ADAM9: variants seen among roughly 807,000 people sequenced by gnomAD.
The protein encoded by ADAM9 is disintegrin and metalloproteinase domain-containing protein 9.
Under a neutral mutation model 108.1 loss-of-function variants are expected in ADAM9, and 54 were observed. The ratio of observed to expected loss-of-function variants is 0.50; its 90% CI spans 0.40 to 0.63. ADAM9 has a LOEUF of 0.63. Among genes scored for constraint, ADAM9 ranks in the 20% least tolerant of loss-of-function variants. The probability of loss-of-function intolerance (pLI) is 0.00; values close to 1 mark genes in which losing one functional copy is unlikely to be tolerated. For missense variants in ADAM9, 830 were observed against 997.7 expected (o/e 0.83, Z 2.26); for synonymous variants, 316 against 336.0 (o/e 0.94, Z 0.65).
chr8:39,043,922 C>T (rs1837532090), intron 12 of ADAM9, among the ~76,000 whole-genome samples: 1 of 152,082 alleles, frequency 6.6e-6, no homozygotes, highest in Non-Finnish European at 1.5e-5. Context: ...GAAAATTAAC[C>T]CATTTTAAAT....
chr8:39,007,837 C>G (rs368438542), intron 1 of ADAM9, 49 bp from the exon 2 acceptor site: 1 of 1,256,860 alleles, frequency 8.0e-7, no homozygotes, highest in Admixed American at 1.7e-5. Context: ...TGTGTTCCCA[C>G]GTAGTTTTTC....
At chr8:39,012,514 CT>C (rs1836387735) in intron 3 of ADAM9, among the ~76,000 whole-genome samples, 1 of 152,186 alleles carries the variant, frequency 6.6e-6, no homozygotes, top group South Asian at 2.1e-4. Context: ...TATTGCGGCA[CT>C]ATTCACAATA....
chr8:39,039,420 CTATAA>C (rs936734163), intron 11 of ADAM9, among the ~76,000 whole-genome samples: 1 of 152,142 alleles, frequency 6.6e-6, no homozygotes, highest in African/African-American at 2.4e-5. Flanking sequence ...CAAAGAGCAC[CTATAA>C]TCTCTTTTAG....
At chr8:39,022,837 C>T (rs1175094897) in intron 8 of ADAM9, among the ~76,000 whole-genome samples, 2 of 152,072 alleles carry the variant, frequency 1.3e-5, no homozygotes, top group Non-Finnish European at 2.9e-5. Context: ...CCTCAGCCTC[C>T]CAAGTAGCTG....
intron 11 of ADAM9, among the ~76,000 whole-genome samples, chr8:39,040,090 C>A (rs940725220): frequency 6.6e-6 from 1 of 152,122 alleles, no homozygotes; most frequent in Non-Finnish European, 1.5e-5. Context: ...CTCTCTGTTG[C>A]CCAAGCTGGA....
At chr8:39,001,034 G>A (rs960076399) in intron 1 of ADAM9, among the ~76,000 whole-genome samples, 1 of 152,010 alleles carries the variant, frequency 6.6e-6, no homozygotes, top group African/African-American at 2.4e-5. Flanking sequence ...TGATTTTAAC[G>A]TCTTCCTTCT....
chr8:39,017,452 C>G, intron 6 of ADAM9, 38 bp downstream of exon 6: 1 of 1,586,344 alleles, frequency 6.3e-7, no homozygotes, highest in Admixed American at 1.7e-5. Context: ...CTCAGACTAC[C>G]ATTTTAGAAA....
intron 11 of ADAM9, among the ~76,000 whole-genome samples, chr8:39,029,815 C>T (rs530518708): frequency 6.6e-6 from 1 of 152,204 alleles, no homozygotes; most frequent in Admixed American, 6.5e-5. Context: ...ATTTATGTTG[C>T]TAGGGATATT....
In ADAM9 at chr8:39,077,405, T is replaced by A; in HGVS notation, c.1875T>A (p.Ala625=). 1 of 1,608,618 alleles carries A rather than the reference T, an allele frequency of 6.2e-7. No individual in the cohort carries two copies. The highest frequency in any genetic ancestry group is 8.5e-7 in the Non-Finnish European group (1 of 1,177,522). ...GMVNEGTKCG[A]GKICRNFQCV... ...TTAACGAAGGCACAAAATGTGGTGC[T>A]GGAAAGGTAATCAAAATATTTTTTA... Residue 625 remains alanine, a synonymous_variant, in exon 16 of 22, where the codon GCT becomes GCA. Transcript: ENST00000487273.
At chr8:39,085,091 T>A (rs1483830033) in intron 18 of ADAM9, among the ~76,000 whole-genome samples, 1 of 152,176 alleles carries the variant, frequency 6.6e-6, no homozygotes, top group Non-Finnish European at 1.5e-5. Flanking sequence ...TAGTAATTAG[T>A]ACATATAGTT....
chr8:39,041,797 G>T, intron 11 of ADAM9, 149 bp from the exon 12 acceptor site: 1 of 678,456 alleles, frequency 1.5e-6, no homozygotes. Flanking sequence ...TTTATCACAA[G>T]TAGATATGAA....
At chr8:39,014,219 C>T (rs1304373565) in intron 4 of ADAM9, 176 bp downstream of exon 4, 2 of 619,450 alleles carry the variant, frequency 3.2e-6, no homozygotes, top group Non-Finnish European at 5.7e-6. Context: ...CTAAGCTGTA[C>T]CTTACAGCTC....
intron 3 of ADAM9, among the ~76,000 whole-genome samples, chr8:39,011,981 A>G (rs560310834): frequency 6.6e-6 from 1 of 152,222 alleles, no homozygotes; most frequent in South Asian, 2.1e-4. Flanking sequence ...TATGTGGGGG[A>G]GTTGGGGAGA....
At chr8:39,074,903 C>CTTTT (rs1178180888) in intron 15 of ADAM9, among the ~76,000 whole-genome samples, 27 of 113,126 alleles carry the variant, frequency 2.4e-4, no homozygotes, top group East Asian at 7.7e-4. Context: ...AGCCCAAAAT[C>CTTTT]TTTTTTTTTT....
At chr8:39,028,356 C>T (rs1176399148) in intron 11 of ADAM9, among the ~76,000 whole-genome samples, 2 of 150,204 alleles carry the variant, frequency 1.3e-5, no homozygotes, top group African/African-American at 2.5e-5. Flanking sequence ...TACAAAAAGC[C>T]ATGCTTCATA....
intron 14 of ADAM9, among the ~76,000 whole-genome samples, chr8:39,067,132 C>A (rs1218268439): frequency 1.3e-5 from 2 of 152,160 alleles, no homozygotes; most frequent in African/African-American, 4.8e-5. Flanking sequence ...GGTACCAGTA[C>A]CATGCTATTT....
intron 1 of ADAM9, among the ~76,000 whole-genome samples, chr8:38,998,912 G>T (rs746205371): frequency 3.3e-5 from 5 of 152,154 alleles, no homozygotes; most frequent in Non-Finnish European, 5.9e-5. Context: ...TGAACTAAGG[G>T]GTTTGGACTT....
At chr8:39,027,653 A>C (rs1365113380) in intron 11 of ADAM9, among the ~76,000 whole-genome samples, 2 of 152,212 alleles carry the variant, frequency 1.3e-5, no homozygotes, top group Admixed American at 1.3e-4. Flanking sequence ...TCTAATGCAG[A>C]TTCGTTGTAA....
intron 14 of ADAM9, among the ~76,000 whole-genome samples, chr8:39,060,456 A>G (rs1018126966): frequency 1.3e-5 from 2 of 152,130 alleles, no homozygotes; most frequent in Admixed American, 6.5e-5. Context: ...ATGCAACCAA[A>G]TGAGGAATAT....
Sources: allele counts gnomAD v4.1 joint callset (sites outside exome capture counted in the v4.1 genomes callset), GRCh38; gene constraint gnomAD v4.1.1; transcripts MANE v1.5; gene names NCBI Gene and HGNC (gene_info 2026-07-23, HGNC 2026-07-21).